Variants in SCAMP1 observed in about 807,000 individuals in gnomAD.
SCAMP1 encodes secretory carrier membrane protein 1, also known as secretory carrier-associated membrane protein 1.
In SCAMP1, 15 loss-of-function variants were observed where a neutral mutation model predicts 41.8. That is an observed-to-expected ratio of 0.36 (90% CI 0.24 to 0.55). The LOEUF (loss-of-function observed/expected upper bound fraction) is 0.55. Ranked by LOEUF, SCAMP1 falls within the 20% of genes least tolerant of loss-of-function variation. SCAMP1 has a pLI of 0.86. For synonymous variants in SCAMP1, 135 were observed against 136.8 expected, an observed-to-expected ratio of 0.99 and a Z score of 0.09; for missense variants, 341 against 412.6, an observed-to-expected ratio of 0.83 and a Z score of 1.50.
At chr5:78,454,064 A>G (rs1046275564) in intron 7 of SCAMP1, among the ~76,000 whole-genome samples, 1 of 152,214 alleles carries the variant, frequency 6.6e-6, no homozygotes, top group South Asian at 2.1e-4. Flanking sequence ...GTTGCTTCTC[A>G]GCTTAAGGAG....
intron 6 of SCAMP1, among the ~76,000 whole-genome samples, chr5:78,430,822 A>G (rs1752602442): frequency 6.6e-6 from 1 of 152,022 alleles, no homozygotes; most frequent in African/African-American, 2.4e-5. Flanking sequence ...CCACACAGTA[A>G]GTTAACTGAC....
At chr5:78,456,479 A>G (rs1753405382) in intron 7 of SCAMP1, among the ~76,000 whole-genome samples, 1 of 151,878 alleles carries the variant, frequency 6.6e-6, no homozygotes, top group Admixed American at 6.6e-5. Context: ...TCTGGGTTGA[A>G]AATTCTTTTC....
intron 1 of SCAMP1, among the ~76,000 whole-genome samples, chr5:78,385,651 T>C (rs1369542878): frequency 2.0e-5 from 3 of 152,138 alleles, no homozygotes; most frequent in Non-Finnish European, 2.9e-5. Flanking sequence ...ATGTCACTAT[T>C]ATTGTTCAGT....
At chr5:78,401,327 G>T (rs1452382492) in intron 2 of SCAMP1, among the ~76,000 whole-genome samples, 2 of 151,880 alleles carry the variant, frequency 1.3e-5, no homozygotes, top group Non-Finnish European at 2.9e-5. Flanking sequence ...TTGATATGAG[G>T]GTATTTCTAG....
At chr5:78,364,920 C>G (rs2112035376) in intron 1 of SCAMP1, among the ~76,000 whole-genome samples, 1 of 151,388 alleles carries the variant, frequency 6.6e-6, no homozygotes, top group Admixed American at 6.6e-5. Context: ...GGAGATATAC[C>G]TAATGTAAAT....
intron 7 of SCAMP1, among the ~76,000 whole-genome samples, chr5:78,457,178 C>T (rs1443738284): frequency 6.6e-6 from 1 of 151,948 alleles, no homozygotes; most frequent in Admixed American, 6.6e-5. Flanking sequence ...GCCTTCTTCT[C>T]TCAACTCGTC....
chr5:78,388,955 A>G lies in SCAMP1; in HGVS notation c.135+41A>G, dbSNP rs771262174. Reference sequence around the variant, plus strand: ...CTTTTAAATGTTTAAATTGAAATTCAGTAGGAATTCTATTTTAACTATGAT... The same window carrying G: ...CTTTTAAATGTTTAAATTGAAATTCGGTAGGAATTCTATTTTAACTATGAT... On this transcript the variant is annotated intron_variant, in intron 2 of 8. Coordinates refer to ENST00000621999, the MANE Select transcript of SCAMP1 (RefSeq NM_004866.6). 2.0e-6 allele frequency: 2 copies of G among 1,008,970 alleles called. No homozygotes were observed. Among genetic ancestry groups the G allele is most frequent in the South Asian group, 1.5e-5 (1 of 64,912 alleles). 62.5% of individuals were successfully genotyped at this position (1,008,970 alleles called of 1,614,324 possible).
chr5:78,425,344 A>G lies in SCAMP1; in HGVS notation c.632+3384A>G, dbSNP rs1424496409. 2.0e-5 allele frequency among the ~76,000 whole-genome samples: 3 copies of G among 152,236 alleles called. No individual in the cohort carries two copies. In the East Asian group the frequency reaches 5.8e-4, roughly 29 times the overall value. On this transcript the variant is annotated intron_variant, in intron 6 of 8. Transcript: ENST00000621999. ...TGGTCAATTTAAGAAATGGAACATTATCAATACCGCTGAAGCACTGGTATG... is the reference window on the plus strand; with the variant it reads ...TGGTCAATTTAAGAAATGGAACATTGTCAATACCGCTGAAGCACTGGTATG...
intron 4 of SCAMP1, among the ~76,000 whole-genome samples, chr5:78,417,054 G>A (rs569253056): frequency 3.3e-5 from 5 of 152,210 alleles, no homozygotes; most frequent in Admixed American, 1.3e-4. Context: ...CCCAGTCCTC[G>A]CAAGTATTTT....
At chr5:78,458,190 C>A (rs186281129) in intron 7 of SCAMP1, among the ~76,000 whole-genome samples, 1 of 152,110 alleles carries the variant, frequency 6.6e-6, no homozygotes, top group Non-Finnish European at 1.5e-5. Flanking sequence ...TGTTCCTATT[C>A]GGCCATCTTG....
chr5:78,423,253 C>T (rs568875969), intron 6 of SCAMP1, among the ~76,000 whole-genome samples: 2 of 152,032 alleles, frequency 1.3e-5, no homozygotes, highest in South Asian at 4.1e-4. Context: ...AGAAAAGAAC[C>T]TTTGGATACA....
intron 1 of SCAMP1, among the ~76,000 whole-genome samples, chr5:78,382,776 GGT>G (rs61523492): frequency 0.011 from 1,492 of 130,318 alleles, 26 homozygotes; most frequent in African/African-American, 0.034. Flanking sequence ...AGTATTCCAT[GGT>G]GTGTGTGTGT....
At chr5:78,459,861 C>A (rs1233529083) in intron 8 of SCAMP1, among the ~76,000 whole-genome samples, 1 of 152,080 alleles carries the variant, frequency 6.6e-6, no homozygotes, top group African/African-American at 2.4e-5. Context: ...TTGAACCCAT[C>A]ACCCAAATAG....
At chr5:78,438,408 G>A (rs1421942898) in intron 6 of SCAMP1, among the ~76,000 whole-genome samples, 5 of 152,174 alleles carry the variant, frequency 3.3e-5, no homozygotes, top group African/African-American at 7.2e-5. Context: ...ATTCTGGTAC[G>A]TTGTGTCTTT....
At chr5:78,443,653 CTTTTTTTTTTTTTT>C (rs71613955) in intron 6 of SCAMP1, among the ~76,000 whole-genome samples, 4 of 71,966 alleles carry the variant, frequency 5.6e-5, no homozygotes, top group African/African-American at 1.2e-4. Context: ...AGTGGTTTTG[CTTTTTTTTTTTTTT>C]TTTTTTTTTT....
At position 78,361,049 on chromosome 5, in the gene SCAMP1, G is replaced by A. The variant is rs1750634090; in HGVS notation, c.57+321G>A. 1.4e-5 allele frequency: 4 copies of A among 276,462 alleles called. No homozygotes were observed. In the South Asian group the frequency reaches 2.3e-4, roughly 16 times the overall value. 17.1% of individuals were successfully genotyped at this position (276,462 alleles called of 1,614,324 possible). A position where few individuals can be genotyped will look rare whatever the true frequency, so the allele number is the denominator to read the frequency against. ...GGCCCGCCTCTCAGGAGAGAAAGCC[G>A]AGGGCAGGTAGAGTCGCCCCTTGCC... is the stretch of plus-strand genomic sequence containing the variant. On this transcript the variant is annotated intron_variant, in intron 1 of 8. Transcript: ENST00000621999.
At chr5:78,424,141 G>T (rs1752408739) in intron 6 of SCAMP1, among the ~76,000 whole-genome samples, 2 of 152,106 alleles carry the variant, frequency 1.3e-5, no homozygotes, top group Non-Finnish European at 2.9e-5. Flanking sequence ...CTCCCAAAGT[G>T]CTGGGATTAC....
chr5:78,440,113 T>A (rs1426445951), intron 6 of SCAMP1, among the ~76,000 whole-genome samples: 2 of 152,176 alleles, frequency 1.3e-5, no homozygotes, highest in African/African-American at 4.8e-5. Context: ...CGTCTAATCC[T>A]TTTTCAAGGT....
intron 2 of SCAMP1, among the ~76,000 whole-genome samples, chr5:78,390,542 T>A (rs1751461017): frequency 6.6e-6 from 1 of 152,218 alleles, no homozygotes; most frequent in Non-Finnish European, 1.5e-5. Context: ...AAAGAAGAGC[T>A]GGCAAATTAT....
Sources: gnomAD v4.1 joint callset for allele counts (sites outside exome capture counted in the v4.1 genomes callset) on GRCh38, gnomAD v4.1.1 for gene constraint, MANE v1.5 for transcripts, NCBI Gene and HGNC (gene_info 2026-07-23, HGNC 2026-07-21) for gene names.